Variants in RALGPS2 observed in about 807,000 individuals in gnomAD.
RALGPS2 encodes Ral GEF with PH domain and SH3 binding motif 2, also known as ras-specific guanine nucleotide-releasing factor RalGPS2.
A neutral mutation model predicts 86.8 loss-of-function variants in RALGPS2; 43 were observed. That is an observed-to-expected ratio of 0.50 (90% CI 0.39 to 0.64). The LOEUF (loss-of-function observed/expected upper bound fraction) is 0.64, where lower values mean the gene tolerates loss of function less well. RALGPS2 is among the 30% of genes least tolerant of loss of function. The probability of loss-of-function intolerance (pLI) is 0.00; values close to 1 mark genes in which losing one functional copy is unlikely to be tolerated. For synonymous variants in RALGPS2, 243 were observed against 231.3 expected (o/e 1.05, Z -0.46); for missense variants, 536 against 694.6 (o/e 0.77, Z 2.57).
intron 8 of RALGPS2, 149 bp from the exon 9 acceptor site, chr1:178,877,349 T>A (rs1462284317): frequency 8.1e-7 from 1 of 1,239,658 alleles, no homozygotes; most frequent in African/African-American, 1.5e-5. Context: ...TAACCATATG[T>A]TACCCAGGCT....
Position 178,877,650 on chromosome 1 carries a change from GA to G in RALGPS2, c.745+16del. The G allele has an allele frequency of 6.2e-7, 1 of 1,611,716 alleles. No individual in the cohort carries two copies. Among genetic ancestry groups the G allele is most frequent in the South Asian group, 1.1e-5 (1 of 90,912 alleles). ...TTGTGAATATGGTAAGTTTCTAGGG[GA>G]TAATGCCAAGCCATTAAGATTGCTG... On this transcript the variant is annotated intron_variant, in intron 9 of 19. Transcript: ENST00000367635.
intron 4 of RALGPS2, among the ~76,000 whole-genome samples, chr1:178,785,878 T>G (rs563163264): frequency 5.2e-4 from 79 of 152,164 alleles, no homozygotes; most frequent in African/African-American, 1.9e-3. Context: ...TCTATAACTT[T>G]TGATTCCCTG....
At chr1:178,749,122 G>A (rs1037861755) in intron 1 of RALGPS2, among the ~76,000 whole-genome samples, 8 of 152,074 alleles carry the variant, frequency 5.3e-5, no homozygotes, top group Non-Finnish European at 1.0e-4. Context: ...CATTTAGTCT[G>A]TCACGTAATT....
chr1:178,806,645 CT>C (rs1246597663), intron 4 of RALGPS2, among the ~76,000 whole-genome samples: 1 of 151,930 alleles, frequency 6.6e-6, no homozygotes, highest in Non-Finnish European at 1.5e-5. Context: ...CTGAATATTT[CT>C]TTTTATATAT....
rs1652204446 is a variant in RALGPS2, at chr1:178,760,886, G to A, written c.-83-15796G>A. Reference sequence around the variant, plus strand: ...ATTATTTTCTCAAATATATTTTCCAGGTGGTTTTCTTCTTCTCGGTCTCTT... The same window carrying A: ...ATTATTTTCTCAAATATATTTTCCAAGTGGTTTTCTTCTTCTCGGTCTCTT... On this transcript the variant is annotated intron_variant, in intron 1 of 19. Coordinates refer to ENST00000367635, the MANE Select transcript of RALGPS2 (RefSeq NM_152663.5). Among the ~76,000 whole-genome samples, 2 of 151,954 alleles carry A rather than the reference G, an allele frequency of 1.3e-5. 1 individual carries two copies. The highest frequency in any genetic ancestry group is 4.2e-4 in the South Asian group (2 of 4,812).
intron 4 of RALGPS2, among the ~76,000 whole-genome samples, chr1:178,805,248 A>G (rs1572350263): frequency 2.0e-5 from 3 of 147,760 alleles, no homozygotes; most frequent in Admixed American, 2.0e-4. Flanking sequence ...CTCTGATGGT[A>G]GTTTCTTTTG....
intron 1 of RALGPS2, among the ~76,000 whole-genome samples, chr1:178,750,675 C>T (rs923942733): frequency 1.3e-5 from 2 of 152,212 alleles, no homozygotes; most frequent in East Asian, 1.9e-4. Flanking sequence ...TTTTGATGTT[C>T]GTATTTATAA....
At chr1:178,854,143 A>G (rs573712982) in intron 8 of RALGPS2, among the ~76,000 whole-genome samples, 2 of 152,204 alleles carry the variant, frequency 1.3e-5, no homozygotes, top group Non-Finnish European at 2.9e-5. Flanking sequence ...CTATCATTGG[A>G]CATTGAGGTT....
intron 8 of RALGPS2, among the ~76,000 whole-genome samples, chr1:178,846,234 T>TC (rs1176257868): frequency 5.3e-5 from 8 of 152,318 alleles, no homozygotes; most frequent in Non-Finnish European, 4.4e-5. Context: ...CTGACACTGA[T>TC]CTCAGAAATG....
At chr1:178,808,196 A>G in intron 5 of RALGPS2, 68 bp downstream of exon 5, 1 of 1,116,892 alleles carries the variant, frequency 9.0e-7, no homozygotes, top group Non-Finnish European at 1.3e-6. Flanking sequence ...TCCTTAAGAA[A>G]TAATTTAACT....
intron 7 of RALGPS2, among the ~76,000 whole-genome samples, chr1:178,827,253 G>T: frequency 6.6e-6 from 1 of 152,148 alleles, no homozygotes; most frequent in East Asian, 1.9e-4. Flanking sequence ...CAGATTCAGT[G>T]CAGTCACTAT....
At chr1:178,783,514 C>T (rs1008652154) in intron 2 of RALGPS2, among the ~76,000 whole-genome samples, 2 of 151,934 alleles carry the variant, frequency 1.3e-5, no homozygotes, top group African/African-American at 4.8e-5. Context: ...GATCGTGGCT[C>T]GATACTTCGT....
intron 6 of RALGPS2, among the ~76,000 whole-genome samples, chr1:178,816,117 A>G (rs1460386322): frequency 1.3e-5 from 2 of 152,200 alleles, no homozygotes; most frequent in Non-Finnish European, 2.9e-5. Context: ...GATTAGGAAT[A>G]TGTTTTAACT....
chr1:178,866,836 T>A (rs1300777211), intron 8 of RALGPS2, among the ~76,000 whole-genome samples: 1 of 152,204 alleles, frequency 6.6e-6, no homozygotes, highest in Non-Finnish European at 1.5e-5. Context: ...CTGTAGCAGA[T>A]GAGAAATACT....
intron 1 of RALGPS2, among the ~76,000 whole-genome samples, chr1:178,748,742 A>AG (rs1651481461): frequency 2.6e-5 from 4 of 151,652 alleles, no homozygotes; most frequent in Non-Finnish European, 4.4e-5. Flanking sequence ...AATCCCAGCT[A>AG]CTCAGGAGGC....
intron 8 of RALGPS2, chr1:178,849,749 T>C (rs928727478): frequency 1.3e-5 from 2 of 152,234 alleles, no homozygotes; most frequent in East Asian, 1.9e-4. Flanking sequence ...AGAAGTTTTA[T>C]TTTGAGATGT....
chr1:178,871,069 A>G (rs995237392), intron 8 of RALGPS2: 3 of 152,156 alleles, frequency 2.0e-5, no homozygotes, highest in South Asian at 2.1e-4. Flanking sequence ...CCCAGATTGT[A>G]TATACAGTAC....
intron 4 of RALGPS2, among the ~76,000 whole-genome samples, chr1:178,790,761 G>A (rs1456648880): frequency 6.6e-6 from 1 of 152,128 alleles, no homozygotes; most frequent in Non-Finnish European, 1.5e-5. Context: ...CAAAATGATT[G>A]TACAGATATT....
intron 1 of RALGPS2, among the ~76,000 whole-genome samples, chr1:178,774,847 G>A (rs191977189): frequency 1.3e-5 from 2 of 152,254 alleles, no homozygotes; most frequent in Admixed American, 6.5e-5. Flanking sequence ...ATAAATTCAA[G>A]ATGTGACTGA....
Sources: gnomAD v4.1 joint callset for allele counts (sites outside exome capture counted in the v4.1 genomes callset) on GRCh38, gnomAD v4.1.1 for gene constraint, MANE v1.5 for transcripts, NCBI Gene and HGNC (gene_info 2026-07-23, HGNC 2026-07-21) for gene names.